SLC7A8: variants seen among roughly 807,000 people sequenced by gnomAD.
SLC7A8 encodes solute carrier family 7 member 8, also known as large neutral amino acids transporter small subunit 2.
SLC7A8 carries 30 observed loss-of-function variants against 51.2 expected under a neutral mutation model. The observed-to-expected ratio is 0.59, with a 90% CI of 0.44 to 0.80. The LOEUF (loss-of-function observed/expected upper bound fraction) is 0.80. SLC7A8 is among the 30% of genes least tolerant of loss of function. The pLI is 0.00. For missense variants in SLC7A8, 612 were observed against 674.4 expected (o/e 0.91, Z 1.03); for synonymous variants, 257 against 275.8 (o/e 0.93, Z 0.67).
At chr14:23,169,699 G>A (rs2048966920) in intron 1 of SLC7A8, among the ~76,000 whole-genome samples, 3 of 152,164 alleles carry the variant, frequency 2.0e-5, no homozygotes, top group South Asian at 4.1e-4. Flanking sequence ...GAGCCACTGC[G>A]CCTGGCCTAC....
In SLC7A8 at chr14:23,128,494, T is replaced by C. The variant is rs2048601778; in HGVS notation, c.1264-298A>G. On this transcript the variant is annotated intron_variant, in intron 9 of 10. Coordinates refer to ENST00000316902, the MANE Select transcript of SLC7A8 (RefSeq NM_012244.4). The surrounding 1 kb of genome is among the most constrained non-coding windows in gnomAD (Gnocchi z 4.3). ...TGGTTAGACAAGGCCTCATCATGCA[T>C]GCCATGTGCCCGTGGCAGCCAGAGA... 1 of 781,812 alleles carries C rather than the reference T, an allele frequency of 1.3e-6. No homozygotes were observed. The highest frequency in any genetic ancestry group is 4.1e-5 in the East Asian group (1 of 24,234). The allele number at this position is 781,812 out of a possible 1,614,324, so 48.4% of individuals were successfully genotyped here. A position where few individuals can be genotyped will look rare whatever the true frequency, so the allele number is the denominator to read the frequency against.
At chr14:23,163,833 C>G (rs1439702434) in intron 3 of SLC7A8, among the ~76,000 whole-genome samples, 1 of 152,190 alleles carries the variant, frequency 6.6e-6, no homozygotes, top group Non-Finnish European at 1.5e-5. Context: ...TGACTAATAT[C>G]AGAGATAAAG....
At chr14:23,177,483 C>G (rs1876974949) in intron 1 of SLC7A8, among the ~76,000 whole-genome samples, 1 of 152,244 alleles carries the variant, frequency 6.6e-6, no homozygotes, top group Non-Finnish European at 1.5e-5. Flanking sequence ...TGAATCAGTT[C>G]TGGTTCAAGA....
chr14:23,155,606 G>A, intron 3 of SLC7A8: 1 of 731,024 alleles, frequency 1.4e-6, no homozygotes, highest in African/African-American at 1.8e-5. Context: ...AGAAATCCAG[G>A]GTGGCCTGCC....
intron 1 of SLC7A8, among the ~76,000 whole-genome samples, chr14:23,176,728 G>A (rs1012790342): frequency 6.6e-6 from 1 of 152,028 alleles, no homozygotes; most frequent in African/African-American, 2.4e-5. Flanking sequence ...GATCACTTGA[G>A]GTCAGGAGTT....
intron 4 of SLC7A8, 42 bp from the exon 5 acceptor site, chr14:23,140,666 C>A: frequency 6.3e-7 from 1 of 1,586,202 alleles, no homozygotes; most frequent in Non-Finnish European, 8.6e-7. Flanking sequence ...TGAGACAAGT[C>A]AGGGGCCCAG....
rs1457283955 is a variant in SLC7A8, at chr14:23,140,573, G to T, written c.686C>A (p.Pro229His). Residue 229 changes from proline (P) to histidine (H), a missense_variant, in exon 5 of 11, where the codon CCT becomes CAT. Pro to His is a moderately conservative substitution (Grantham distance 77). Coordinates refer to ENST00000316902, the MANE Select transcript of SLC7A8 (RefSeq NM_012244.4). ...PKNAFENFQE[P>H]DIGLVALAFL... ...AGCCAGTGCGACGAGGCCGATGTCAGGTTCCTGGAAATTCTCAAATGCATT... is the reference window on the plus strand; with the variant it reads ...AGCCAGTGCGACGAGGCCGATGTCATGTTCCTGGAAATTCTCAAATGCATT... The T allele has an allele frequency of 6.2e-7, 1 of 1,613,988 alleles. No individual in the cohort carries two copies. The highest frequency in any genetic ancestry group is 8.5e-7 in the Non-Finnish European group (1 of 1,179,976).
At chr14:23,164,602 G>GTTTC (rs2048939488) in intron 3 of SLC7A8, among the ~76,000 whole-genome samples, 1 of 131,754 alleles carries the variant, frequency 7.6e-6, no homozygotes, top group Non-Finnish European at 1.5e-5. Context: ...AGCTACTTAA[G>GTTTC]TTTCTTTCTT....
At chr14:23,158,453 C>A (rs964537594) in intron 3 of SLC7A8, among the ~76,000 whole-genome samples, 27 of 152,184 alleles carry the variant, frequency 1.8e-4, no homozygotes, top group African/African-American at 5.1e-4. Flanking sequence ...TCAAGTGATT[C>A]TCCTACCTCA....
At chr14:23,155,032 T>A in intron 3 of SLC7A8, 3 of 450,716 alleles carry the variant, frequency 6.7e-6, no homozygotes, top group Non-Finnish European at 1.1e-5. Context: ...AAAGCAGCCC[T>A]TCCTCATAAA....
At chr14:23,132,712 C>T (rs893744234) in intron 7 of SLC7A8, among the ~76,000 whole-genome samples, 2 of 151,472 alleles carry the variant, frequency 1.3e-5, no homozygotes, top group Non-Finnish European at 2.9e-5. Flanking sequence ...CTTGGTTCAC[C>T]GCAACCTCCG....
At chr14:23,154,308 TC>T in intron 3 of SLC7A8, 1 of 1,000,292 alleles carries the variant, frequency 1.0e-6, no homozygotes, top group South Asian at 4.7e-5. Context: ...TCTGGCCAGC[TC>T]CCACAGACTC....
chr14:23,158,072 G>A (rs977495297), intron 3 of SLC7A8, among the ~76,000 whole-genome samples: 2 of 152,176 alleles, frequency 1.3e-5, no homozygotes, highest in Non-Finnish European at 2.9e-5. Context: ...AAGAAAGAAG[G>A]CTAAATCTGC....
Position 23,139,451 on chromosome 14 carries a change from C to T in SLC7A8, c.885G>A (p.Glu295=). Residue 295 remains glutamate (E), a synonymous_variant, in exon 6 of 11, where the codon GAG becomes GAA. Coordinates refer to ENST00000316902, the MANE Select transcript of SLC7A8 (RefSeq NM_012244.4). ...VAYVTAMSPQ[E]LLASNAVAVT... The stretch of plus-strand genomic sequence containing the variant: ...CAGCGACGGCGTTGGATGCCAGCAG[C>T]TCCTGGGGGGACATTGCAGTGACAT... 6.2e-7 allele frequency: 1 copy of T among 1,614,120 alleles called. No individual in the cohort carries two copies. Among genetic ancestry groups the T allele is most frequent in the Non-Finnish European group, 8.5e-7 (1 of 1,179,976 alleles).
chr14:23,144,341 A>AATTTTTTTTT (rs375223021), intron 3 of SLC7A8, among the ~76,000 whole-genome samples: 2 of 114,356 alleles, frequency 1.7e-5, no homozygotes, highest in Non-Finnish European at 1.9e-5. Context: ...TTTAAACACA[A>AATTTTTTTTT]TTTTTTTTTT....
intron 1 of SLC7A8, among the ~76,000 whole-genome samples, chr14:23,171,834 C>G (rs2048976528): frequency 6.6e-6 from 1 of 152,220 alleles, no homozygotes; most frequent in Non-Finnish European, 1.5e-5. Flanking sequence ...TTACACTTTC[C>G]CATCGGGACT....
chr14:23,180,696 T>C (rs941446159), intron 1 of SLC7A8, among the ~76,000 whole-genome samples: 23 of 152,110 alleles, frequency 1.5e-4, no homozygotes, highest in African/African-American at 5.1e-4. Flanking sequence ...CCCACAGAAA[T>C]TGTACTTATT....
intron 3 of SLC7A8, among the ~76,000 whole-genome samples, chr14:23,150,573 A>G (rs2048837967): frequency 2.0e-5 from 3 of 152,160 alleles, no homozygotes; most frequent in African/African-American, 7.2e-5. Context: ...CCTTTTCTCC[A>G]TGTAAAACCT....
At position 23,143,128 on chromosome 14, in the gene SLC7A8, G is replaced by A. The variant is rs2048760629; in HGVS notation, c.585C>T (p.Leu195=). Residue 195 remains leucine, a synonymous_variant, in exon 4 of 11, where the codon CTC becomes CTT. Coordinates refer to ENST00000316902, the MANE Select transcript of SLC7A8 (RefSeq NM_012244.4). ...RVQDIFTAGK[L]LALALIIIMG... is the part of the protein sequence containing the mutation. ...TGATGATAATCAGGGCCAAGGCCAGGAGCTTCCCAGCTGTGAAGATGTCTT... is the reference window on the plus strand; with the variant it reads ...TGATGATAATCAGGGCCAAGGCCAGAAGCTTCCCAGCTGTGAAGATGTCTT... The A allele has an allele frequency of 1.2e-6, 2 of 1,614,182 alleles. No homozygotes were observed. Among genetic ancestry groups the A allele is most frequent in the Non-Finnish European group, 1.7e-6 (2 of 1,180,034 alleles).
Sources: allele counts gnomAD v4.1 joint callset (sites outside exome capture counted in the v4.1 genomes callset), GRCh38; gene constraint gnomAD v4.1.1; non-coding constraint Gnocchi (gnomAD v3.1); transcripts MANE v1.5; gene names NCBI Gene and HGNC (gene_info 2026-07-23, HGNC 2026-07-21).